The following RAB5C variants were observed in gnomAD, a reference collection of about 807,000 sequenced individuals.
RAB5C encodes the protein RAB5C, member RAS oncogene family, also known as ras-related protein Rab-5C.
In RAB5C, 4 loss-of-function variants were observed where a neutral mutation model predicts 25.2. The ratio of observed to expected loss-of-function variants is 0.16; its 90% CI spans 0.08 to 0.36. The LOEUF is 0.36. RAB5C is among the 10% of genes least tolerant of loss of function. The pLI is 1.00. For missense variants in RAB5C, 199 were observed against 283.8 expected, an observed-to-expected ratio of 0.70 and a Z score of 2.15; for synonymous variants, 100 against 106.4, an observed-to-expected ratio of 0.94 and a Z score of 0.37.
At chr17:42,134,334 T>C (rs530862836) in intron 1 of RAB5C, among the ~76,000 whole-genome samples, 2 of 152,322 alleles carry the variant, frequency 1.3e-5, no homozygotes, top group South Asian at 2.1e-4. Context: ...GATGGAATTA[T>C]AGCCAAAACT....
intron 1 of RAB5C, among the ~76,000 whole-genome samples, chr17:42,147,144 AAG>A (rs572493429): frequency 0.016 from 1,588 of 99,290 alleles, 15 homozygotes; most frequent in African/African-American, 0.068. Context: ...GAAAGAAAGA[AAG>A]AGAGAGAGAG....
At chr17:42,140,509 ATATATATTTTTTTTTTTTT>A (rs1395404146) in intron 1 of RAB5C, among the ~76,000 whole-genome samples, 44 of 36,206 alleles carry the variant, frequency 1.2e-3, no homozygotes, top group African/African-American at 4.7e-3. Context: ...ATATATATAT[ATATATATTTTTTTTTTTTT>A]TTTTTTTTTT....
At chr17:42,151,294 G>A (rs982682815) in intron 1 of RAB5C, among the ~76,000 whole-genome samples, 7 of 152,170 alleles carry the variant, frequency 4.6e-5, no homozygotes, top group South Asian at 2.1e-4. Flanking sequence ...ACAATTAGCC[G>A]GACGTGGTGG....
intron 5 of RAB5C, 31 bp from the exon 6 acceptor site, chr17:42,125,929 G>A (rs1200466830): frequency 1.3e-6 from 2 of 1,519,518 alleles, no homozygotes; most frequent in Non-Finnish European, 1.8e-6. Context: ...TGCATTTGTT[G>A]GGGGTACCCC....
intron 1 of RAB5C, among the ~76,000 whole-genome samples, chr17:42,152,603 A>G (rs2079679304): frequency 6.6e-6 from 1 of 151,820 alleles, no homozygotes; most frequent in South Asian, 2.1e-4. Flanking sequence ...ACATGGTGAG[A>G]CCCCATCTCT....
intron 3 of RAB5C, 59 bp downstream of exon 3, chr17:42,128,590 C>T: frequency 7.3e-7 from 1 of 1,377,588 alleles, no homozygotes; most frequent in African/African-American, 1.5e-5. Flanking sequence ...TCTGATAACC[C>T]AATCCCTGGG....
At chr17:42,141,847 T>C (rs1869365) in intron 1 of RAB5C, among the ~76,000 whole-genome samples, 59,791 of 151,946 alleles carry the variant, frequency 0.39, 16,701 homozygotes, top group African/African-American at 0.8. Flanking sequence ...ACATGTTCTG[T>C]AGCAGGGGAG....
chr17:42,133,636 G>A (rs1598247662), intron 1 of RAB5C, among the ~76,000 whole-genome samples: 1 of 152,204 alleles, frequency 6.6e-6, no homozygotes, highest in African/African-American at 2.4e-5. Context: ...GGCAGAGAGA[G>A]AGTGAGCACA....
At chr17:42,144,716 CAGG>C (rs1459814112) in intron 1 of RAB5C, among the ~76,000 whole-genome samples, 7 of 151,802 alleles carry the variant, frequency 4.6e-5, no homozygotes, top group Non-Finnish European at 8.8e-5. Flanking sequence ...ATCACGAGGT[CAGG>C]AGATCGAGAC....
intron 5 of RAB5C, among the ~76,000 whole-genome samples, chr17:42,126,104 G>A (rs987058992): frequency 1.3e-5 from 2 of 152,138 alleles, no homozygotes; most frequent in Admixed American, 1.3e-4. Context: ...GCTAATGAGT[G>A]GTAGAGCCAG....
intron 1 of RAB5C, among the ~76,000 whole-genome samples, chr17:42,152,356 C>T (rs981430724): frequency 3.9e-5 from 6 of 152,102 alleles, no homozygotes; most frequent in South Asian, 2.1e-4. Context: ...ACGGAGCCAT[C>T]GCTCTCTCTG....
At chr17:42,143,479 A>G in intron 1 of RAB5C, among the ~76,000 whole-genome samples, 1 of 152,170 alleles carries the variant, frequency 6.6e-6, no homozygotes, top group East Asian at 1.9e-4. Flanking sequence ...GCTACTAAAA[A>G]TACAAAAATT....
intron 1 of RAB5C, among the ~76,000 whole-genome samples, chr17:42,135,174 G>A (rs904328206): frequency 6.6e-5 from 10 of 151,690 alleles, no homozygotes; most frequent in South Asian, 2.1e-4. Context: ...TTGTAGCGGC[G>A]GGGTTTTACC....
At chr17:42,139,345 G>A (rs7216265) in intron 1 of RAB5C, among the ~76,000 whole-genome samples, 4,048 of 152,316 alleles carry the variant, frequency 0.027, 175 homozygotes, top group African/African-American at 0.093. Context: ...AAGGCTCTCC[G>A]CCAGCCTACC....
intron 1 of RAB5C, among the ~76,000 whole-genome samples, chr17:42,150,141 T>A (rs1279253749): frequency 2.0e-5 from 3 of 151,216 alleles, no homozygotes; most frequent in African/African-American, 7.3e-5. Context: ...AGCCTCAGCC[T>A]TCCAAAGTGC....
intron 5 of RAB5C, 124 bp downstream of exon 5, chr17:42,126,631 C>T: frequency 1.2e-5 from 1 of 84,198 alleles, no homozygotes; most frequent in Non-Finnish European, 2.4e-5. Context: ...GACTCCATCT[C>T]AAAAAAAAAA....
chr17:42,148,455 T>C (rs1294987582), intron 1 of RAB5C, among the ~76,000 whole-genome samples: 1 of 151,492 alleles, frequency 6.6e-6, no homozygotes, highest in Non-Finnish European at 1.5e-5. Flanking sequence ...GTGTTTGCTT[T>C]AAGGGCAGGT....
chr17:42,132,554 TAAAG>T (rs2054496691), intron 1 of RAB5C, among the ~76,000 whole-genome samples: 1 of 152,128 alleles, frequency 6.6e-6, no homozygotes, highest in South Asian at 2.1e-4. Context: ...TTTTTTTTTT[TAAAG>T]AAACAAGGTC....
rs1301168442 is a variant in RAB5C at position 42,142,206 on chromosome 17, T to G, written c.-88-11616A>C. ...CCCCATTAACACAAAGCATCTTGGG[T>G]TTTTTTTTGGTAGAGATGGGGTTTC... is the stretch of plus-strand genomic sequence containing the variant. On this transcript the variant is annotated intron_variant, in intron 1 of 5. Transcript: ENST00000346213. 1.6e-4 allele frequency among the ~76,000 whole-genome samples: 23 copies of G among 148,090 alleles called. 1 individual carries two copies. Among genetic ancestry groups the G allele is most frequent in the Admixed American group, 1.6e-3 (23 of 14,814 alleles).
Sources: allele counts gnomAD v4.1 joint callset (sites outside exome capture counted in the v4.1 genomes callset), GRCh38; gene constraint gnomAD v4.1.1; transcripts MANE v1.5; gene names NCBI Gene and HGNC (gene_info 2026-07-23, HGNC 2026-07-21).